Variants in PRKCB observed in about 807,000 individuals in gnomAD.
PRKCB encodes the protein protein kinase C beta type.
Under a neutral mutation model 81.5 loss-of-function variants are expected in PRKCB, and 13 were observed. The ratio of observed to expected loss-of-function variants is 0.16; its 90% CI spans 0.10 to 0.25. The LOEUF (loss-of-function observed/expected upper bound fraction) is 0.25, where lower values mean the gene tolerates loss of function less well. PRKCB is among the 10% of genes least tolerant of loss of function. The pLI, the probability that PRKCB is intolerant of heterozygous loss-of-function variation, is 1.00. For missense variants in PRKCB, 509 were observed against 875.7 expected (o/e 0.58, Z 5.29); for synonymous variants, 335 against 321.4 (o/e 1.04, Z -0.45).
chr16:24,123,799 C>T (rs780590117), intron 8 of PRKCB, 36 bp from the exon 9 acceptor site: 5 of 1,610,112 alleles, frequency 3.1e-6, no homozygotes, highest in Non-Finnish European at 4.2e-6. Flanking sequence ...CGTCCTCAAA[C>T]CCTGAGCATG....
intron 2 of PRKCB, among the ~76,000 whole-genome samples, chr16:23,956,708 A>G (rs1471152335): frequency 1.3e-5 from 2 of 152,234 alleles, no homozygotes; most frequent in African/African-American, 2.4e-5. Flanking sequence ...AGAAGATAAA[A>G]TACCTATTGT....
intron 7 of PRKCB, among the ~76,000 whole-genome samples, chr16:24,096,703 A>G (rs1265026139): frequency 2.2e-5 from 3 of 134,114 alleles, no homozygotes; most frequent in South Asian, 4.8e-4. Flanking sequence ...ATATATATAT[A>G]TATCCTCCAA....
chr16:24,192,911 C>T (rs895627869), intron 16 of PRKCB, among the ~76,000 whole-genome samples: 1 of 151,932 alleles, frequency 6.6e-6, no homozygotes, highest in African/African-American at 2.4e-5. Context: ...GGAGCTCAGC[C>T]AGGGAAGCTA....
At chr16:24,133,898 ATT>A (rs113809790) in intron 9 of PRKCB, among the ~76,000 whole-genome samples, 1 of 141,316 alleles carries the variant, frequency 7.1e-6, no homozygotes. Flanking sequence ...CCTAGTTTAA[ATT>A]TTTTTTTTTT....
At chr16:24,060,598 G>A (rs912527763) in intron 5 of PRKCB, among the ~76,000 whole-genome samples, 1 of 152,180 alleles carries the variant, frequency 6.6e-6, no homozygotes, top group African/African-American at 2.4e-5. Flanking sequence ...ACCACTCACG[G>A]CTTCAGTATT....
At chr16:23,961,855 T>G (rs1338295695) in intron 2 of PRKCB, among the ~76,000 whole-genome samples, 1 of 152,074 alleles carries the variant, frequency 6.6e-6, no homozygotes, top group Non-Finnish European at 1.5e-5. Context: ...CATTTCACAT[T>G]TTGGGTTCCT....
At chr16:24,176,680 G>A (rs1728559418) in intron 12 of PRKCB, among the ~76,000 whole-genome samples, 1 of 152,140 alleles carries the variant, frequency 6.6e-6, no homozygotes, top group Non-Finnish European at 1.5e-5. Flanking sequence ...ATTGCCTGAG[G>A]TCAGGAGTTG....
At chr16:24,127,630 TG>T (rs1364838394) in intron 9 of PRKCB, among the ~76,000 whole-genome samples, 4 of 151,640 alleles carry the variant, frequency 2.6e-5, no homozygotes, top group South Asian at 2.1e-4. Flanking sequence ...GGATTGGGGT[TG>T]GGGGGTAGTG....
chr16:24,116,318 A>T (rs1260528662), intron 8 of PRKCB, among the ~76,000 whole-genome samples: 1 of 151,896 alleles, frequency 6.6e-6, no homozygotes, highest in Non-Finnish European at 1.5e-5. Context: ...GCACTTTGGG[A>T]GGCTGAGGCA....
chr16:24,198,190 G>A (rs556975261), intron 16 of PRKCB, among the ~76,000 whole-genome samples: 92 of 152,296 alleles, frequency 6.0e-4, no homozygotes, highest in African/African-American at 2.2e-3. Context: ...GGTAGTACAT[G>A]GAGCTATAAT....
chr16:23,865,771 T>C (rs1962778351), intron 2 of PRKCB, among the ~76,000 whole-genome samples: 1 of 151,600 alleles, frequency 6.6e-6, no homozygotes, highest in African/African-American at 2.4e-5. Flanking sequence ...GATTGGATCC[T>C]TTATGCTTAG....
intron 5 of PRKCB, among the ~76,000 whole-genome samples, chr16:24,064,128 G>C (rs372512889): frequency 6.6e-6 from 1 of 152,070 alleles, no homozygotes; most frequent in African/African-American, 2.4e-5. Context: ...CTGGCAGTTG[G>C]GGAGGAGGAG....
chr16:23,959,726 T>G (rs1432320063), intron 2 of PRKCB, among the ~76,000 whole-genome samples: 1 of 152,194 alleles, frequency 6.6e-6, no homozygotes, highest in Non-Finnish European at 1.5e-5. Context: ...TCCATAACTG[T>G]GTTGAAATCA....
At chr16:24,141,367 G>C (rs1027378465) in intron 9 of PRKCB, among the ~76,000 whole-genome samples, 1 of 152,000 alleles carries the variant, frequency 6.6e-6, no homozygotes, top group African/African-American at 2.4e-5. Context: ...GCTAATTTTT[G>C]TATTTTTTAG....
At chr16:23,898,126 T>A (rs1963410434) in intron 2 of PRKCB, among the ~76,000 whole-genome samples, 1 of 149,724 alleles carries the variant, frequency 6.7e-6, no homozygotes, top group Non-Finnish European at 1.5e-5. Context: ...AGTGCAGTGG[T>A]GCGATCTCGG....
At chr16:24,064,453 G>C (rs1247443888) in intron 5 of PRKCB, among the ~76,000 whole-genome samples, 8 of 152,102 alleles carry the variant, frequency 5.3e-5, no homozygotes, top group Admixed American at 5.2e-4. Context: ...TTTTGTTATT[G>C]ATAGTTTGTT....
intron 2 of PRKCB, among the ~76,000 whole-genome samples, chr16:23,959,858 G>A (rs1223111083): frequency 1.3e-5 from 2 of 152,174 alleles, no homozygotes; most frequent in Non-Finnish European, 2.9e-5. Context: ...AGTTCTAGGC[G>A]ATGTCCCCCC....
chr16:24,017,804 G>A (rs928557730), intron 3 of PRKCB, among the ~76,000 whole-genome samples: 1 of 151,706 alleles, frequency 6.6e-6, no homozygotes, highest in African/African-American at 2.4e-5. Context: ...ATCCTGGTTC[G>A]CTGTAGCCTT....
At chr16:23,911,735 G>A (rs942887638) in intron 2 of PRKCB, among the ~76,000 whole-genome samples, 1 of 151,876 alleles carries the variant, frequency 6.6e-6, no homozygotes, top group African/African-American at 2.4e-5. Flanking sequence ...GAGCCTCAGT[G>A]CAGCCACGCT....
Sources: allele counts gnomAD v4.1 joint callset (sites outside exome capture counted in the v4.1 genomes callset), GRCh38; gene constraint gnomAD v4.1.1; transcripts MANE v1.5; gene names NCBI Gene and HGNC (gene_info 2026-07-23, HGNC 2026-07-21).